Variants in PHF14 observed in about 807,000 individuals in gnomAD.
The protein encoded by PHF14 is PHD finger protein 14.
Under a neutral mutation model 117.9 loss-of-function variants are expected in PHF14, and 55 were observed. The ratio of observed to expected loss-of-function variants is 0.47; its 90% CI spans 0.38 to 0.58. PHF14 has a LOEUF of 0.58. Among genes scored for constraint, PHF14 ranks in the 20% least tolerant of loss-of-function variants. The pLI, the probability that PHF14 is intolerant of heterozygous loss-of-function variation, is 0.00. For missense variants in PHF14, 978 were observed against 1,122.2 expected, an observed-to-expected ratio of 0.87 and a Z score of 1.84; for synonymous variants, 409 against 368.6, an observed-to-expected ratio of 1.11 and a Z score of -1.26.
chr7:11,082,514 T>G (rs1472673122), intron 16 of PHF14, among the ~76,000 whole-genome samples: 1 of 152,268 alleles, frequency 6.6e-6, no homozygotes, highest in African/African-American at 2.4e-5. Context: ...CAGATAAGCT[T>G]AATTTTCCCT....
rs117876767 is a variant in PHF14 at position 10,998,922 on chromosome 7, A to C, written c.1045+8075A>C. ...GATTGTGGTCATTGACTATGGATGT[A>C]TTTTTTTAGGCCAGCACAGTAGTTT... is the stretch of plus-strand genomic sequence containing the variant. On this transcript the variant is annotated intron_variant, in intron 4 of 17. Transcript: ENST00000634607. Among the ~76,000 whole-genome samples, 143 of 152,280 alleles carry C rather than the reference A, an allele frequency of 9.4e-4. 1 individual carries two copies. The East Asian group carries it at 0.021, about 22-fold the overall frequency.
intron 16 of PHF14, chr7:11,102,383 A>G: frequency 8.1e-7 from 1 of 1,234,174 alleles, no homozygotes. Context: ...ATCATATGTT[A>G]TTTGAATCTA....
chr7:10,980,425 T>C (rs1410264790), intron 2 of PHF14, among the ~76,000 whole-genome samples: 2 of 152,202 alleles, frequency 1.3e-5, no homozygotes, highest in African/African-American at 4.8e-5. Flanking sequence ...TATTAAATCA[T>C]AATTTTAAAA....
At chr7:10,983,680 CA>C in intron 3 of PHF14, among the ~76,000 whole-genome samples, 1 of 152,132 alleles carries the variant, frequency 6.6e-6, no homozygotes, top group Admixed American at 6.5e-5. Context: ...TCTTTTTAGT[CA>C]CCAAATCTTT....
intron 11 of PHF14, 29 bp downstream of exon 11, chr7:11,038,884 T>G (rs372620083): frequency 9.5e-7 from 1 of 1,052,946 alleles, no homozygotes; most frequent in Non-Finnish European, 1.4e-6. Context: ...GCTGTCTCCT[T>G]CAGTTCTTGC....
At chr7:11,062,115 G>C in intron 16 of PHF14, 30 bp downstream of exon 16, 1 of 1,560,284 alleles carries the variant, frequency 6.4e-7, no homozygotes, top group Non-Finnish European at 8.7e-7. Flanking sequence ...CTTGTCTTTA[G>C]GGGATGAAAG....
In PHF14 at chr7:10,982,931, A is replaced by C. The variant is rs1782091678; in HGVS notation, c.672A>C (p.Arg224Ser). 11 of 1,609,384 alleles carry C rather than the reference A, an allele frequency of 6.8e-6. No homozygotes were observed. The highest frequency in any genetic ancestry group is 1.3e-5 in the African/African-American group (1 of 74,942). The change falls in exon 3 of 18, where the codon AGA becomes AGC. Residue 224 changes from arginine to serine, a missense_variant. Arg to Ser is a moderately radical substitution (Grantham distance 110). Around this residue, in one of 7 missense-constraint regions of PHF14, gnomAD observed 414 missense variants for 376.4 expected, o/e 1.10. Transcript: ENST00000634607. ...CTACTGTAGTAAAGAGAAAAGGGAG[A>C]TCTGCGTCTCAGAAAGAGGGAAGTG... ...WRPTVVKRKG[R>S]SASQKEGSDG...
At chr7:11,132,972 C>T (rs1285141971) in intron 17 of PHF14, among the ~76,000 whole-genome samples, 2 of 151,722 alleles carry the variant, frequency 1.3e-5, no homozygotes, top group Non-Finnish European at 2.9e-5. Context: ...CCAGAAAACC[C>T]ATGAAATTCT....
At chr7:10,997,186 G>A (rs1782684192) in intron 4 of PHF14, among the ~76,000 whole-genome samples, 1 of 151,860 alleles carries the variant, frequency 6.6e-6, no homozygotes, top group African/African-American at 2.4e-5. Context: ...ATCTCATTTT[G>A]TTTCTCTATA....
chr7:11,040,898 T>C, intron 12 of PHF14, 123 bp downstream of exon 12: 3 of 488,418 alleles, frequency 6.1e-6, no homozygotes, highest in Non-Finnish European at 7.1e-6. Context: ...TTTAAGTGCA[T>C]TTGAAGTTCA....
chr7:11,010,582 A>T (rs189056871), intron 4 of PHF14, among the ~76,000 whole-genome samples: 1 of 152,034 alleles, frequency 6.6e-6, no homozygotes, highest in Non-Finnish European at 1.5e-5. Flanking sequence ...AACTATTAAT[A>T]TTAACTATAT....
At chr7:11,086,517 T>C (rs1419539848) in intron 16 of PHF14, among the ~76,000 whole-genome samples, 1 of 152,208 alleles carries the variant, frequency 6.6e-6, no homozygotes, top group African/African-American at 2.4e-5. Flanking sequence ...TCTTGGTCAG[T>C]GTATGATTCT....
chr7:11,162,573 C>G (rs748437752), intron 17 of PHF14, among the ~76,000 whole-genome samples: 33 of 152,118 alleles, frequency 2.2e-4, no homozygotes, highest in Non-Finnish European at 4.0e-4. Flanking sequence ...TTTTCACTCA[C>G]TGATCTTTGT....
intron 4 of PHF14, among the ~76,000 whole-genome samples, chr7:11,001,301 C>T (rs75284265): frequency 1.3e-5 from 2 of 152,156 alleles, no homozygotes; most frequent in Non-Finnish European, 2.9e-5. Flanking sequence ...ACTGCAGCTT[C>T]ATAGTAAGTC....
chr7:11,161,083 T>C (rs1435896858), intron 17 of PHF14, among the ~76,000 whole-genome samples: 4 of 152,188 alleles, frequency 2.6e-5, no homozygotes, highest in Admixed American at 6.5e-5. Flanking sequence ...CTTGAGTTAA[T>C]TTTTGCATAT....
chr7:11,038,965 A>T (rs1784411024), intron 11 of PHF14, 110 bp downstream of exon 11: 1 of 490,796 alleles, frequency 2.0e-6, no homozygotes, highest in East Asian at 3.5e-5. Flanking sequence ...ATTCTGTTTG[A>T]TCAGGGCCTA....
At chr7:11,030,865 CAG>C (rs1415636238) in intron 7 of PHF14, among the ~76,000 whole-genome samples, 2 of 152,150 alleles carry the variant, frequency 1.3e-5, no homozygotes, top group Non-Finnish European at 2.9e-5. Context: ...TTGTTATAAA[CAG>C]AGAATTAGAA....
Position 11,035,752 on chromosome 7 carries a change from AAG to A in PHF14, c.1578_1579del (p.Lys527AlafsTer51), listed in dbSNP as rs1219321852. ...CAGTCCTATTGTAAAATGTCTTTGC[AAG>A]AGAGAGAGAAGCAACTATCACCAGA... On this transcript the variant is annotated frameshift_variant, in exon 8 of 18. Coordinates refer to ENST00000634607, the MANE Select transcript of PHF14 (RefSeq NM_001007157.2). LOFTEE classifies it high-confidence loss of function. 1.1e-5 allele frequency: 18 copies of A among 1,608,122 alleles called. No homozygotes were observed. Among genetic ancestry groups the A allele is most frequent in the African/African-American group, 2.7e-5 (2 of 74,778 alleles).
At chr7:11,090,128 A>G (rs997692080) in intron 16 of PHF14, among the ~76,000 whole-genome samples, 11 of 152,204 alleles carry the variant, frequency 7.2e-5, no homozygotes, top group South Asian at 2.1e-4. Flanking sequence ...AAGATTATGC[A>G]TGAAGCCTCA....
Sources: gnomAD v4.1 joint callset for allele counts (sites outside exome capture counted in the v4.1 genomes callset) on GRCh38, gnomAD v4.1.1 for gene constraint, gnomAD v4.1.1 regional missense constraint, MANE v1.5 for transcripts, NCBI Gene and HGNC (gene_info 2026-07-23, HGNC 2026-07-21) for gene names.